PID1: variants seen among roughly 807,000 people sequenced by gnomAD.
PID1 encodes PTB-containing, cubilin and LRP1-interacting protein.
In PID1, 10 loss-of-function variants were observed where a neutral mutation model predicts 19.1. That is an observed-to-expected ratio of 0.52 (90% CI 0.32 to 0.89). The LOEUF (loss-of-function observed/expected upper bound fraction) is 0.89, where lower values mean the gene tolerates loss of function less well. Among genes scored for constraint, PID1 ranks in the 40% least tolerant of loss-of-function variants. The probability of loss-of-function intolerance (pLI) is 0.03; values close to 1 mark genes in which losing one functional copy is unlikely to be tolerated. For synonymous variants in PID1, 130 were observed against 116.0 expected (o/e 1.12, Z -0.78); for missense variants, 248 against 285.3 (o/e 0.87, Z 0.94).
intron 2 of PID1, among the ~76,000 whole-genome samples, chr2:229,133,221 A>C (rs1236987110): frequency 4.6e-5 from 7 of 152,238 alleles, no homozygotes; most frequent in Admixed American, 4.6e-4. Flanking sequence ...GATAATAACT[A>C]AATATTGTTT....
intron 2 of PID1, among the ~76,000 whole-genome samples, chr2:229,101,917 C>G (rs1695082139): frequency 6.6e-6 from 1 of 152,106 alleles, no homozygotes; most frequent in Non-Finnish European, 1.5e-5. Context: ...AATTGCTAAT[C>G]ATCTGACCTT....
In PID1 at chr2:229,204,297, A is replaced by G. The variant is rs544722511; in HGVS notation, c.31-48333T>C. ...GAGTACTTAGGAACATTAGTTTCTCAACTTCAGAATTATGTGTACTACATA... is the reference window on the plus strand; with the variant it reads ...GAGTACTTAGGAACATTAGTTTCTCGACTTCAGAATTATGTGTACTACATA... On this transcript the variant is annotated intron_variant, in intron 1 of 2. Coordinates refer to ENST00000392055, the MANE Select transcript of PID1 (RefSeq NM_001100818.2). Among the ~76,000 whole-genome samples, 40 of 152,262 alleles carry G rather than the reference A, an allele frequency of 2.6e-4. 1 individual carries two copies. The South Asian group carries it at 7.2e-3, about 28-fold the overall frequency.
At chr2:229,228,600 T>C (rs1355292804) in intron 1 of PID1, among the ~76,000 whole-genome samples, 3 of 152,228 alleles carry the variant, frequency 2.0e-5, no homozygotes, top group South Asian at 2.1e-4. Flanking sequence ...TGTGAGTGTA[T>C]GGATAAATTT....
intron 1 of PID1, among the ~76,000 whole-genome samples, chr2:229,187,625 T>C (rs1006790583): frequency 1.9e-4 from 29 of 152,200 alleles, no homozygotes; most frequent in Admixed American, 6.5e-4. Flanking sequence ...GAATTCAAGA[T>C]GAGATTTGGA....
chr2:229,109,782 T>C (rs964639778), intron 2 of PID1, among the ~76,000 whole-genome samples: 14 of 152,208 alleles, frequency 9.2e-5, no homozygotes, highest in East Asian at 1.9e-4. Context: ...AACAGATCCA[T>C]GTCTGGAGAA....
At chr2:229,252,198 T>C (rs1446852336) in intron 1 of PID1, among the ~76,000 whole-genome samples, 1 of 151,878 alleles carries the variant, frequency 6.6e-6, no homozygotes, top group African/African-American at 2.4e-5. Flanking sequence ...AAATCAGGAA[T>C]GGAAAGAACT....
At chr2:229,191,994 T>C (rs1237529339) in intron 1 of PID1, among the ~76,000 whole-genome samples, 1 of 152,212 alleles carries the variant, frequency 6.6e-6, no homozygotes, top group Non-Finnish European at 1.5e-5. Flanking sequence ...TTTCCTAATT[T>C]ATTTTATTCC....
At chr2:229,138,546 G>A (rs1039224348) in intron 2 of PID1, among the ~76,000 whole-genome samples, 1 of 152,086 alleles carries the variant, frequency 6.6e-6, no homozygotes, top group African/African-American at 2.4e-5. Context: ...GTCTCATGGT[G>A]TATAATGTAT....
At chr2:229,135,143 A>T (rs1052703519) in intron 2 of PID1, among the ~76,000 whole-genome samples, 4 of 152,220 alleles carry the variant, frequency 2.6e-5, no homozygotes, top group African/African-American at 9.6e-5. Context: ...GTCTTGTCTC[A>T]GTAGAGGCTA....
chr2:229,067,656 C>T (rs4608504), intron 2 of PID1, among the ~76,000 whole-genome samples: 21,914 of 152,090 alleles, frequency 0.14, 1,770 homozygotes, highest in African/African-American at 0.22. Flanking sequence ...CATGAAGTCG[C>T]CAGTGAGAGA....
chr2:229,088,907 T>TA (rs1694819076), intron 2 of PID1, among the ~76,000 whole-genome samples: 1 of 152,198 alleles, frequency 6.6e-6, no homozygotes. Flanking sequence ...CTTATACTGT[T>TA]AGAGTCACTG....
intron 2 of PID1, among the ~76,000 whole-genome samples, chr2:229,127,319 G>GTA (rs1282360491): frequency 6.6e-6 from 1 of 151,986 alleles, no homozygotes; most frequent in Non-Finnish European, 1.5e-5. Flanking sequence ...ATTTTTTTCA[G>GTA]GGATCCAAAA....
chr2:229,235,989 G>A (rs190730257), intron 1 of PID1, among the ~76,000 whole-genome samples: 123 of 152,208 alleles, frequency 8.1e-4, no homozygotes, highest in African/African-American at 2.7e-3. Flanking sequence ...TCAATGGAGT[G>A]GAAAACCAAA....
At chr2:229,149,134 A>G (rs1387348857) in intron 2 of PID1, among the ~76,000 whole-genome samples, 3 of 151,846 alleles carry the variant, frequency 2.0e-5, no homozygotes, top group Non-Finnish European at 2.9e-5. Flanking sequence ...TTGCAAAAGA[A>G]AGTCTGTATA....
chr2:229,189,888 A>G (rs1480327582), intron 1 of PID1, among the ~76,000 whole-genome samples: 3 of 152,204 alleles, frequency 2.0e-5, no homozygotes, highest in African/African-American at 7.2e-5. Flanking sequence ...ATACAGAATT[A>G]TATAGTATTC....
At chr2:229,252,911 G>A (rs955510612) in intron 1 of PID1, among the ~76,000 whole-genome samples, 1 of 152,218 alleles carries the variant, frequency 6.6e-6, no homozygotes, top group Non-Finnish European at 1.5e-5. Context: ...GGGGTAGGGG[G>A]TGCCAAGCTA....
At chr2:229,136,826 G>A (rs778852128) in intron 2 of PID1, among the ~76,000 whole-genome samples, 13 of 151,928 alleles carry the variant, frequency 8.6e-5, no homozygotes, top group South Asian at 2.1e-4. Context: ...ATTCACAGCC[G>A]TAATGGACAA....
intron 2 of PID1, among the ~76,000 whole-genome samples, chr2:229,026,698 A>T (rs1693431914): frequency 6.6e-6 from 1 of 152,242 alleles, no homozygotes; most frequent in Non-Finnish European, 1.5e-5. Flanking sequence ...TAAAAATAAC[A>T]GCAGTGCCCA....
chr2:229,243,882 C>T (rs1246171389), intron 1 of PID1, among the ~76,000 whole-genome samples: 1 of 152,120 alleles, frequency 6.6e-6, no homozygotes. Flanking sequence ...CTTTTCCTAG[C>T]TCATACATTT....
Sources: allele counts gnomAD v4.1 joint callset (sites outside exome capture counted in the v4.1 genomes callset), GRCh38; gene constraint gnomAD v4.1.1; transcripts MANE v1.5; gene names NCBI Gene and HGNC (gene_info 2026-07-23, HGNC 2026-07-21).